Variants in NRP1 observed in about 807,000 individuals in gnomAD.
NRP1 encodes neuropilin-1.
A neutral mutation model predicts 106.7 loss-of-function variants in NRP1; 35 were observed. The ratio of observed to expected loss-of-function variants is 0.33; its 90% CI spans 0.25 to 0.43. The LOEUF is 0.43. Among genes scored for constraint, NRP1 ranks in the 20% least tolerant of loss-of-function variants. The probability of loss-of-function intolerance (pLI) is 1.00; values close to 1 mark genes in which losing one functional copy is unlikely to be tolerated. For synonymous variants in NRP1, 437 were observed against 417.9 expected (o/e 1.05, Z -0.56); for missense variants, 1,024 against 1,170.4 (o/e 0.87, Z 1.83).
intron 2 of NRP1, among the ~76,000 whole-genome samples, chr10:33,315,236 T>C (rs897222817): frequency 2.0e-5 from 3 of 152,238 alleles, no homozygotes; most frequent in African/African-American, 4.8e-5. Flanking sequence ...TACTCAAATG[T>C]AAAAATTCAA....
At chr10:33,265,608 A>T in intron 3 of NRP1, among the ~76,000 whole-genome samples, 1 of 152,252 alleles carries the variant, frequency 6.6e-6, no homozygotes, top group East Asian at 1.9e-4. Context: ...CTCCTCATGC[A>T]CATATCGGCT....
rs1016660783 is a variant in NRP1, at chr10:33,297,810, G to A, written c.249-26954C>T. Among the ~76,000 whole-genome samples, 8 of 152,164 alleles carry A rather than the reference G, an allele frequency of 5.3e-5. No homozygotes were observed. In the South Asian group the frequency reaches 1.7e-3, roughly 32 times the overall value. ...TGACGGCAGAGGGAGAAGGAGGAGA[G>A]GAAGGAACAGAGGCTGTCACCCCTT... On this transcript the variant is annotated intron_variant, in intron 2 of 16. Coordinates refer to ENST00000374867, the MANE Select transcript of NRP1 (RefSeq NM_003873.7).
intron 6 of NRP1, among the ~76,000 whole-genome samples, chr10:33,241,162 T>C (rs1840982425): frequency 6.6e-6 from 1 of 152,138 alleles, no homozygotes. Context: ...AGAAACGCCA[T>C]GTGTGGAGGT....
chr10:33,195,649 C>T (rs2474724), intron 12 of NRP1: 137,440 of 512,114 alleles, frequency 0.27, 20,820 homozygotes, highest in East Asian at 0.66. Flanking sequence ...TAGACCTGAC[C>T]CCTGGCTTGA....
intron 10 of NRP1, among the ~76,000 whole-genome samples, chr10:33,203,592 GA>G (rs1200359010): frequency 6.6e-6 from 1 of 152,060 alleles, no homozygotes; most frequent in Non-Finnish European, 1.5e-5. Context: ...GCAGGTGTGT[GA>G]GAGAAGTTGT....
chr10:33,284,130 A>C (rs1490364943), intron 2 of NRP1, among the ~76,000 whole-genome samples: 1 of 152,250 alleles, frequency 6.6e-6, no homozygotes, highest in Non-Finnish European at 1.5e-5. Flanking sequence ...CTTAAGTCTC[A>C]GCTGTGACAA....
chr10:33,328,102 T>A (rs763404603), intron 2 of NRP1, among the ~76,000 whole-genome samples: 5 of 152,194 alleles, frequency 3.3e-5, no homozygotes, highest in African/African-American at 4.8e-5. Flanking sequence ...AAGATTGTTA[T>A]GTAACATCTT....
intron 2 of NRP1, among the ~76,000 whole-genome samples, chr10:33,289,441 G>A (rs1844824982): frequency 6.6e-6 from 1 of 152,078 alleles, no homozygotes; most frequent in Non-Finnish European, 1.5e-5. Flanking sequence ...TTCCACAGGT[G>A]GAGTGATAAC....
chr10:33,328,796 G>A (rs572056041), intron 2 of NRP1, among the ~76,000 whole-genome samples: 2 of 152,284 alleles, frequency 1.3e-5, no homozygotes, highest in South Asian at 4.1e-4. Flanking sequence ...CTTCTCCAAA[G>A]AGCCAGCTGT....
chr10:33,219,352 T>G lies in NRP1; in HGVS notation c.1282+2367A>C, dbSNP rs1278013526. ...CAGTCCACAGTCAAGCCTGGATATG[T>G]CTGCCTGCCTTCTGTCCATGTGACT... On this transcript the variant is annotated intron_variant, in intron 8 of 16. Transcript: ENST00000374867. Among the ~76,000 whole-genome samples the G allele has an allele frequency of 2.6e-5, 4 of 152,212 alleles. No individual in the cohort carries two copies. In the East Asian group the frequency reaches 7.7e-4, roughly 29 times the overall value.
chr10:33,191,977 CAA>C (rs58214479), intron 13 of NRP1, among the ~76,000 whole-genome samples: 14,722 of 70,954 alleles, frequency 0.21, 638 homozygotes, highest in East Asian at 0.49. Flanking sequence ...GACTCCATTT[CAA>C]AAAAAAAAAA....
intron 2 of NRP1, among the ~76,000 whole-genome samples, chr10:33,308,730 C>G (rs140070374): frequency 2.8e-4 from 42 of 152,250 alleles, no homozygotes; most frequent in African/African-American, 9.6e-4. Flanking sequence ...CTCAAATGAT[C>G]TGCCTGACTT....
intron 11 of NRP1, among the ~76,000 whole-genome samples, chr10:33,199,362 G>C (rs59499011): frequency 3.3e-5 from 1 of 29,964 alleles, no homozygotes; most frequent in Non-Finnish European, 6.3e-5. Context: ...ATGCCTGGCT[G>C]TTTTCTATAT....
intron 2 of NRP1, among the ~76,000 whole-genome samples, chr10:33,328,275 ATTAT>A (rs1052630619): frequency 6.7e-6 from 1 of 150,212 alleles, no homozygotes; most frequent in African/African-American, 2.5e-5. Flanking sequence ...ATGACAAATC[ATTAT>A]TTAAGGTTTA....
intron 2 of NRP1, among the ~76,000 whole-genome samples, chr10:33,323,422 G>A (rs1847664505): frequency 6.6e-6 from 1 of 152,134 alleles, no homozygotes; most frequent in East Asian, 1.9e-4. Flanking sequence ...AAGGAATTGA[G>A]TAGACGGAAG....
intron 6 of NRP1, among the ~76,000 whole-genome samples, chr10:33,249,094 T>G (rs920618302): frequency 1.4e-5 from 2 of 146,960 alleles, no homozygotes; most frequent in Non-Finnish European, 3.0e-5. Flanking sequence ...GTTTTTTTTT[T>G]TTTTTTTTTT....
At chr10:33,275,315 T>C (rs1375241839) in intron 2 of NRP1, among the ~76,000 whole-genome samples, 1 of 152,210 alleles carries the variant, frequency 6.6e-6, no homozygotes, top group Non-Finnish European at 1.5e-5. Context: ...ATGCCTGTAA[T>C]CCCAGCACTT....
intron 4 of NRP1, among the ~76,000 whole-genome samples, 192 bp downstream of exon 4, chr10:33,263,454 A>G (rs1272590784): frequency 1.3e-5 from 2 of 152,202 alleles, no homozygotes; most frequent in Admixed American, 6.5e-5. Flanking sequence ...AAGGAATTGG[A>G]CTAGATAATT....
chr10:33,218,799 G>A (rs11009302), intron 8 of NRP1, among the ~76,000 whole-genome samples: 42,825 of 152,032 alleles, frequency 0.28, 6,467 homozygotes, highest in East Asian at 0.62. Context: ...TGACTACTCA[G>A]CAGGGTGAAA....
Sources: allele counts gnomAD v4.1 joint callset (sites outside exome capture counted in the v4.1 genomes callset), GRCh38; gene constraint gnomAD v4.1.1; transcripts MANE v1.5; gene names NCBI Gene and HGNC (gene_info 2026-07-23, HGNC 2026-07-21).